NFU1: variants seen among roughly 807,000 people sequenced by gnomAD.
The protein encoded by NFU1 is NFU1 iron-sulfur cluster scaffold, also known as NFU1 iron-sulfur cluster scaffold homolog, mitochondrial.
Under a neutral mutation model 32.2 loss-of-function variants are expected in NFU1, and 30 were observed. That is an observed-to-expected ratio of 0.93 (90% confidence interval 0.70 to 1.26). The LOEUF is 1.26. Ranked by LOEUF, NFU1 falls within the 50% of genes most tolerant of loss-of-function variation. The pLI is 0.00. For missense variants in NFU1, 306 were observed against 306.6 expected, an observed-to-expected ratio of 1.00 and a Z score of 0.02; for synonymous variants, 112 against 104.6, an observed-to-expected ratio of 1.07 and a Z score of -0.43.
upstream of NFU1, chr2:69,437,606 A>G (rs1162223957): frequency 1.4e-6 from 1 of 732,940 alleles, no homozygotes; most frequent in Non-Finnish European, 2.4e-6. Context: ...ACCCTGACCA[A>G]GAGAGGCCGG....
upstream of NFU1, chr2:69,437,591 G>GCGTC: frequency 1.3e-6 from 1 of 795,150 alleles, no homozygotes; most frequent in Non-Finnish European, 2.1e-6. Context: ...GCAGGCTACT[G>GCGTC]CGTCACCCTG....
chr2:69,429,332 G>A (rs528441321), intron 2 of NFU1, among the ~76,000 whole-genome samples: 43 of 152,132 alleles, frequency 2.8e-4, no homozygotes, highest in Non-Finnish European at 5.7e-4. Flanking sequence ...GGGAGGCCAA[G>A]GCAGGAGGAT....
At chr2:69,422,205 C>A (rs890513230) in intron 3 of NFU1, among the ~76,000 whole-genome samples, 1 of 152,022 alleles carries the variant, frequency 6.6e-6, no homozygotes, top group Non-Finnish European at 1.5e-5. Context: ...CATGGATACA[C>A]TAGAAAAGGG....
At chr2:69,401,414 C>T (rs963599333) in intron 6 of NFU1, among the ~76,000 whole-genome samples, 1 of 152,192 alleles carries the variant, frequency 6.6e-6, no homozygotes. Context: ...TTGTGAGATT[C>T]ACCTATGTTG....
chr2:69,437,102 C>T (rs941288845), intron 1 of NFU1, among the ~76,000 whole-genome samples: 1 of 152,222 alleles, frequency 6.6e-6, no homozygotes, highest in East Asian at 1.9e-4. Context: ...TACAAGCTTC[C>T]GTACCGCAGA....
intron 5 of NFU1, 143 bp from the exon 6 acceptor site, chr2:69,406,225 A>C: frequency 1.6e-6 from 1 of 607,788 alleles, no homozygotes; most frequent in Non-Finnish European, 2.9e-6. Context: ...GTATGGAGAT[A>C]TATTTTGGGA....
At chr2:69,427,884 G>A (rs1034482123) in intron 2 of NFU1, among the ~76,000 whole-genome samples, 7 of 151,772 alleles carry the variant, frequency 4.6e-5, no homozygotes, top group African/African-American at 9.7e-5. Flanking sequence ...TTAGCCAGGC[G>A]TGGTAGTGCG....
intron 3 of NFU1, among the ~76,000 whole-genome samples, chr2:69,421,983 T>C (rs1265323930): frequency 6.6e-6 from 1 of 152,182 alleles, no homozygotes; most frequent in Non-Finnish European, 1.5e-5. Flanking sequence ...TTATGTTTTT[T>C]TCCTATACAT....
intron 1 of NFU1, 49 bp downstream of exon 1, chr2:69,437,312 G>T (rs1324061844): frequency 6.3e-7 from 1 of 1,578,970 alleles, no homozygotes. Flanking sequence ...CCGCTCCGCT[G>T]GCTAAGCCCA....
rs539791622 is a variant in NFU1, at chr2:69,423,079, C to T, written c.302+503G>A. On this transcript the variant is annotated intron_variant, in intron 3 of 7. Coordinates refer to ENST00000410022, the MANE Select transcript of NFU1 (RefSeq NM_001002755.4). ...GCAGCCTCAACCTCCCAGGCTCAAG[C>T]GATCTTCCCATCTCAGCCTTCTGAG... is the stretch of plus-strand genomic sequence containing the variant. 8.6e-5 allele frequency among the ~76,000 whole-genome samples: 13 copies of T among 151,772 alleles called. No homozygotes were observed. In the East Asian group the frequency reaches 2.3e-3, roughly 27 times the overall value.
upstream of NFU1, among the ~76,000 whole-genome samples, chr2:69,437,905 C>CT (rs1673913681): frequency 6.6e-6 from 1 of 152,188 alleles, no homozygotes; most frequent in Admixed American, 6.5e-5. Context: ...GGAACTGTGT[C>CT]TAACCCTTCC....
intron 2 of NFU1, among the ~76,000 whole-genome samples, chr2:69,425,304 G>C (rs1673415866): frequency 6.6e-6 from 1 of 151,926 alleles, no homozygotes; most frequent in African/African-American, 2.4e-5. Context: ...GGGATTACAG[G>C]TGTAAGCCAT....
chr2:69,415,061 A>T, intron 5 of NFU1, 124 bp downstream of exon 5: 1 of 645,020 alleles, frequency 1.6e-6, no homozygotes, highest in Non-Finnish European at 2.8e-6. Flanking sequence ...ATAAATTTGC[A>T]GAGCTAAATA....
rs527356004 is a variant in NFU1, at chr2:69,435,807, C to T, written c.62+1554G>A. On this transcript the variant is annotated intron_variant, in intron 1 of 7. Coordinates refer to ENST00000410022, the MANE Select transcript of NFU1 (RefSeq NM_001002755.4). ...TCACTCTGTCACCCAGGCTGAAGTG[C>T]AGTGGCGTGATCTTGGCTCACTGCA... is the stretch of plus-strand genomic sequence containing the variant. Among the ~76,000 whole-genome samples, 4 of 152,254 alleles carry T rather than the reference C, an allele frequency of 2.6e-5. No homozygotes were observed. The South Asian group carries it at 8.3e-4, about 32-fold the overall frequency.
chr2:69,400,985 A>G (rs1672505802), intron 6 of NFU1, among the ~76,000 whole-genome samples: 1 of 152,196 alleles, frequency 6.6e-6, no homozygotes, highest in Admixed American at 6.5e-5. Flanking sequence ...AATATTTTAC[A>G]GCACTTAAGA....
chr2:69,395,989 C>A (rs982946872), downstream of NFU1: 12 of 401,300 alleles, frequency 3.0e-5, no homozygotes, highest in Non-Finnish European at 3.5e-5. Context: ...AACTCCTTCA[C>A]ACATATGCAA....
chr2:69,401,167 G>T (rs1672510112), intron 6 of NFU1, among the ~76,000 whole-genome samples: 1 of 152,184 alleles, frequency 6.6e-6, no homozygotes, highest in African/African-American at 2.4e-5. Context: ...AGTTCACTAA[G>T]TTTTCACAAA....
intron 1 of NFU1, among the ~76,000 whole-genome samples, chr2:69,432,213 G>C (rs1466798446): frequency 1.3e-5 from 2 of 152,192 alleles, no homozygotes; most frequent in Non-Finnish European, 2.9e-5. Flanking sequence ...AAATCAGGTA[G>C]AGCTCAAATG....
At chr2:69,419,432 TA>T in intron 4 of NFU1, 105 bp downstream of exon 4, 1 of 676,232 alleles carries the variant, frequency 1.5e-6, no homozygotes, top group Non-Finnish European at 2.6e-6. Context: ...AAATAAAATA[TA>T]AAAATTAAAG....
Sources: gnomAD v4.1 joint callset for allele counts (sites outside exome capture counted in the v4.1 genomes callset) on GRCh38, gnomAD v4.1.1 for gene constraint, MANE v1.5 for transcripts, NCBI Gene and HGNC (gene_info 2026-07-23, HGNC 2026-07-21) for gene names.